TCHP: variants seen among roughly 807,000 people sequenced by gnomAD.
TCHP encodes trichoplein keratin filament binding.
Under a neutral mutation model 88.7 loss-of-function variants are expected in TCHP, and 81 were observed. That is an observed-to-expected ratio of 0.91 (90% CI 0.76 to 1.10). TCHP has a LOEUF of 1.10. Among genes scored for constraint, TCHP ranks in the 50% least tolerant of loss-of-function variants. The pLI, the probability that TCHP is intolerant of heterozygous loss-of-function variation, is 0.00. For synonymous variants in TCHP, 232 were observed against 232.5 expected, an observed-to-expected ratio of 1.00 and a Z score of 0.02; for missense variants, 641 against 632.1, an observed-to-expected ratio of 1.01 and a Z score of -0.15.
the TCHP span, among the ~76,000 whole-genome samples, chr12:109,883,623 C>G: frequency 3.8e-4 from 58 of 152,180 alleles, no homozygotes; most frequent in African/African-American, 1.4e-3. Context: ...AGTGCCAGAA[C>G]CCCACCCACC....
intron 8 of TCHP, among the ~76,000 whole-genome samples, chr12:109,910,321 G>A (rs1459414779): frequency 6.6e-6 from 1 of 152,184 alleles, no homozygotes; most frequent in African/African-American, 2.4e-5. Context: ...GTTGGTCCTG[G>A]TGTGCAGCTG....
rs1263301388 is a variant in TCHP at position 109,914,594 on chromosome 12, GA to G, written c.1290del (p.Lys430AsnfsTer83). 6.2e-7 allele frequency: 1 copy of G among 1,612,766 alleles called. No homozygotes were observed. Among genetic ancestry groups the G allele is most frequent in the Non-Finnish European group, 8.5e-7 (1 of 1,179,906 alleles). On this transcript the variant is annotated frameshift_variant, in exon 11 of 13. Coordinates refer to ENST00000405876, the MANE Select transcript of TCHP (RefSeq NM_001143852.2). LOFTEE classifies it high-confidence loss of function. ...RREKEESEKLKSARKQELEAQ... is the reference protein window; with the variant it reads ...RREKEESEKLXSARKQELEAQ... ...GCGAGAAAGAGGAGAGTGAAAAGCTGAAATCGGCCAGGAAGCAGGAGCTGGA... is the reference window on the plus strand; with the variant it reads ...GCGAGAAAGAGGAGAGTGAAAAGCTGAATCGGCCAGGAAGCAGGAGCTGGA...
At chr12:109,889,648 C>T in the TCHP span, among the ~76,000 whole-genome samples, 1 of 152,124 alleles carries the variant, frequency 6.6e-6, no homozygotes, top group African/African-American at 2.4e-5. Flanking sequence ...ATGCTAACTC[C>T]CTGTCAGGGC....
At chr12:109,907,430 G>A in intron 5 of TCHP, 96 bp from the exon 6 acceptor site, 1 of 1,307,990 alleles carries the variant, frequency 7.6e-7, no homozygotes, top group South Asian at 1.4e-5. Flanking sequence ...GGCAGGAACT[G>A]CCTGGGCCCT....
intron 5 of TCHP, among the ~76,000 whole-genome samples, chr12:109,907,078 G>A (rs1220497890): frequency 6.6e-6 from 1 of 152,082 alleles, no homozygotes; most frequent in Admixed American, 6.6e-5. Context: ...TTGTAGAGAT[G>A]GGGTCTTGCT....
chr12:109,910,567 G>A (rs1167926998), intron 8 of TCHP, among the ~76,000 whole-genome samples: 1 of 152,116 alleles, frequency 6.6e-6, no homozygotes, highest in African/African-American at 2.4e-5. Flanking sequence ...CAAAGTGCTG[G>A]GATTGCATGC....
intron 5 of TCHP, among the ~76,000 whole-genome samples, chr12:109,907,218 T>C (rs988821860): frequency 6.6e-6 from 1 of 152,232 alleles, no homozygotes; most frequent in Non-Finnish European, 1.5e-5. Context: ...CATTTTTGTC[T>C]CTCTTTTGAT....
At chr12:109,881,050 C>T in the TCHP span, among the ~76,000 whole-genome samples, 2 of 152,178 alleles carry the variant, frequency 1.3e-5, no homozygotes, top group African/African-American at 4.8e-5. Context: ...CAGCCACTGC[C>T]CTGCTGGACA....
At chr12:109,901,868 T>C (rs956447951) in intron 1 of TCHP, among the ~76,000 whole-genome samples, 1 of 152,204 alleles carries the variant, frequency 6.6e-6, no homozygotes, top group African/African-American at 2.4e-5. Context: ...ACTGGCTAAA[T>C]AAAGGACTCT....
upstream of TCHP, among the ~76,000 whole-genome samples, chr12:109,897,955 G>T (rs1337325392): frequency 6.6e-6 from 1 of 152,184 alleles, no homozygotes; most frequent in Non-Finnish European, 1.5e-5. Context: ...GTGGGCTGCT[G>T]CCACCCCTCT....
At chr12:109,899,451 A>C (rs1408921410), upstream of TCHP, among the ~76,000 whole-genome samples, 1 of 152,120 alleles carries the variant, frequency 6.6e-6, no homozygotes, top group African/African-American at 2.4e-5. Context: ...CATCCTGACC[A>C]ATATGGTGAA....
the TCHP span, among the ~76,000 whole-genome samples, chr12:109,885,478 G>GTTT: frequency 2.5e-3 from 298 of 118,128 alleles, 2 homozygotes; most frequent in Non-Finnish European, 3.1e-3. Flanking sequence ...AAATCTGATG[G>GTTT]TTTTTTTTTT....
Position 109,908,552 on chromosome 12 carries a change from A to G in TCHP, c.700-34A>G, listed in dbSNP as rs147660819. ...GAAGATCTGATTCCCACGATCTCAGATCTCAGTCGAGCTTACTCTCATCAT... is the reference window on the plus strand; with the variant it reads ...GAAGATCTGATTCCCACGATCTCAGGTCTCAGTCGAGCTTACTCTCATCAT... On this transcript the variant is annotated intron_variant, in intron 6 of 12. Coordinates refer to ENST00000405876, the MANE Select transcript of TCHP (RefSeq NM_001143852.2). 6.0e-3 allele frequency: 9,238 copies of G among 1,534,960 alleles called. 77 individuals are homozygous for G. The highest frequency in any genetic ancestry group is 6.1e-3 in the Non-Finnish European group (6,897 of 1,123,946).
upstream of TCHP, among the ~76,000 whole-genome samples, chr12:109,898,047 T>C (rs1869608381): frequency 6.6e-6 from 1 of 152,124 alleles, no homozygotes; most frequent in South Asian, 2.1e-4. Context: ...TTGAGGACTC[T>C]TATGCACGCA....
intron 6 of TCHP, among the ~76,000 whole-genome samples, chr12:109,908,309 G>A (rs767086544): frequency 1.3e-5 from 2 of 152,184 alleles, no homozygotes; most frequent in African/African-American, 2.4e-5. Flanking sequence ...TCCTGGTGGG[G>A]GCTGTGTCAG....
chr12:109,904,433 T>G (rs1265727455), intron 3 of TCHP, among the ~76,000 whole-genome samples: 1 of 152,208 alleles, frequency 6.6e-6, no homozygotes, highest in East Asian at 1.9e-4. Flanking sequence ...CCAAAGTAGT[T>G]ATGTGAAACA....
At chr12:109,882,981 G>C in the TCHP span, among the ~76,000 whole-genome samples, 1 of 151,596 alleles carries the variant, frequency 6.6e-6, no homozygotes, top group Admixed American at 6.6e-5. Flanking sequence ...CATGTTAAAG[G>C]CAATAAGAAA....
rs1417153809 is a variant in TCHP, at chr12:109,917,075, G to C, written c.*452G>C. On this transcript the variant is annotated 3_prime_UTR_variant, in exon 13 of 13. Transcript: ENST00000405876. ...TTAGTCTATTAAAAACAAACCTAGA[G>C]GTCTTGGTGCAGTTGATTTCAGAGT... 6.5e-6 allele frequency: 1 copy of C among 154,470 alleles called. No homozygotes were observed. Among genetic ancestry groups the C allele is most frequent in the Admixed American group, 6.5e-5 (1 of 15,346 alleles). The allele number at this position is 154,470 out of a possible 1,614,324, so 9.6% of individuals were successfully genotyped here.
At chr12:109,897,883 G>T (rs1869604495), upstream of TCHP, among the ~76,000 whole-genome samples, 1 of 152,154 alleles carries the variant, frequency 6.6e-6, no homozygotes, top group African/African-American at 2.4e-5. Context: ...TGAAGTTCCT[G>T]TCGACAGACA....
Sources: allele counts gnomAD v4.1 joint callset (sites outside exome capture counted in the v4.1 genomes callset), GRCh38; gene constraint gnomAD v4.1.1; transcripts MANE v1.5; gene names NCBI Gene and HGNC (gene_info 2026-07-23, HGNC 2026-07-21).